Variants in SAG observed in about 807,000 individuals in gnomAD.
The protein encoded by SAG is S-arrestin.
A neutral mutation model predicts 55.0 loss-of-function variants in SAG; 45 were observed. The observed-to-expected ratio is 0.82, with a 90% CI of 0.64 to 1.05. The LOEUF is 1.05. Among genes scored for constraint, SAG ranks in the 50% least tolerant of loss-of-function variants. The probability of loss-of-function intolerance (pLI) is 0.00; values close to 1 mark genes in which losing one functional copy is unlikely to be tolerated. For missense variants in SAG, 455 were observed against 512.1 expected (o/e 0.89, Z 1.08); for synonymous variants, 189 against 197.4 (o/e 0.96, Z 0.36).
intron 9 of SAG, among the ~76,000 whole-genome samples, chr2:233,330,665 G>A (rs899287824): frequency 1.3e-5 from 2 of 151,920 alleles, no homozygotes; most frequent in African/African-American, 2.4e-5. Flanking sequence ...CAAGTAGCTG[G>A]GATTACAGGC....
intron 4 of SAG, chr2:233,320,112 G>A: frequency 2.0e-6 from 1 of 493,550 alleles, no homozygotes; most frequent in Non-Finnish European, 2.6e-6. Context: ...GCTGGAACTT[G>A]AGCCTTCTCA....
intron 13 of SAG, 92 bp from the exon 14 acceptor site, chr2:233,342,179 C>G: frequency 2.2e-6 from 2 of 920,616 alleles, no homozygotes; most frequent in South Asian, 2.9e-5. Flanking sequence ...GCCTGGGGAT[C>G]TTTTGTGACT....
chr2:233,318,001 A>G (rs1429694184), intron 3 of SAG, among the ~76,000 whole-genome samples: 1 of 152,116 alleles, frequency 6.6e-6, no homozygotes, highest in Non-Finnish European at 1.5e-5. Flanking sequence ...GGTGTGGGAC[A>G]GTGTCTCTAT....
Position 233,335,068 on chromosome 2 carries a change from C to A in SAG, c.913C>A (p.His305Asn). The A allele has an allele frequency of 6.2e-7, 1 of 1,613,914 alleles. No homozygotes were observed. Among genetic ancestry groups the A allele is most frequent in the Non-Finnish European group, 8.5e-7 (1 of 1,179,826 alleles). ...RGIALDGKIK[H>N]EDTNLASSTI... ...CATTGCCCTGGATGGGAAAATCAAG[C>A]ACGAGGACACAAACCTTGCCTCCAG... The change falls in exon 11 of 16, where the codon CAC (histidine) becomes AAC (asparagine). Residue 305 changes from histidine to asparagine, a missense_variant. Physicochemically the swap from His to Asn is moderately conservative, Grantham distance 68. Coordinates refer to ENST00000409110, the MANE Select transcript of SAG (RefSeq NM_000541.5).
chr2:233,322,286 C>A (rs77969498), intron 5 of SAG, among the ~76,000 whole-genome samples: 3 of 150,858 alleles, frequency 2.0e-5, no homozygotes, highest in East Asian at 3.9e-4. Context: ...TTTGTAATGG[C>A]AAAAAAGTAA....
At chr2:233,327,065 C>G (rs1303888965) in intron 6 of SAG, 56 bp from the exon 7 acceptor site, 10 of 1,412,556 alleles carry the variant, frequency 7.1e-6, no homozygotes, top group Middle Eastern at 1.8e-4. Flanking sequence ...CCCTCTGGCC[C>G]GGCACCCAGG....
At chr2:233,320,039 A>G in intron 4 of SAG, 1 of 938,052 alleles carries the variant, frequency 1.1e-6, no homozygotes, top group South Asian at 4.9e-5. Context: ...TTCAACAAGT[A>G]GAATTTTCAG....
intron 6 of SAG, among the ~76,000 whole-genome samples, chr2:233,325,212 A>G (rs1244739523): frequency 1.3e-5 from 2 of 151,880 alleles, no homozygotes; most frequent in Non-Finnish European, 2.9e-5. Flanking sequence ...TCAAAAAAAA[A>G]AAAAAAAAAT....
chr2:233,338,872 G>A (rs748224668), intron 12 of SAG, 119 bp downstream of exon 12: 11 of 822,004 alleles, frequency 1.3e-5, no homozygotes, highest in Non-Finnish European at 2.3e-5. Flanking sequence ...CTTCTACCAA[G>A]GATTACCAAG....
chr2:233,335,221 T>A, intron 11 of SAG, 122 bp downstream of exon 11: 1 of 1,270,620 alleles, frequency 7.9e-7, no homozygotes, highest in Non-Finnish European at 1.1e-6. Context: ...CTGGCGTGTG[T>A]AGTGTGGAGT....
intron 2 of SAG, 24 bp downstream of exon 2, chr2:233,309,288 T>G: frequency 6.3e-7 from 1 of 1,589,750 alleles, no homozygotes; most frequent in Non-Finnish European, 8.6e-7. Flanking sequence ...AAGTGAGTGA[T>G]TTGATAGAAA....
At chr2:233,339,539 T>G (rs1701034611) in intron 12 of SAG, among the ~76,000 whole-genome samples, 2 of 59,330 alleles carry the variant, frequency 3.4e-5, no homozygotes, top group South Asian at 1.6e-3. Context: ...AGCATAGTGT[T>G]TTTTTTTTTT....
At position 233,324,481 on chromosome 2, in the gene SAG, A is replaced by G. The variant is rs183560128; in HGVS notation, c.435+1476A>G. On this transcript the variant is annotated intron_variant, in intron 6 of 15. Transcript: ENST00000409110. The stretch of plus-strand genomic sequence containing the variant: ...GGCCAGATCATGAAGGGCCTTGTCG[A>G]TGTTGTAGAGACTTGAGTTTTTGCC... 1.2e-3 allele frequency among the ~76,000 whole-genome samples: 189 copies of G among 152,256 alleles called. 1 individual carries two copies. The highest frequency in any genetic ancestry group is 6.8e-3 in the Middle Eastern group (2 of 294).
chr2:233,330,475 C>CCCTT (rs775846940), intron 9 of SAG, among the ~76,000 whole-genome samples: 2,320 of 46,040 alleles, frequency 0.05, 50 homozygotes, highest in Middle Eastern at 0.097. Flanking sequence ...TTCCCTCCCT[C>CCCTT]CCTTCCTTCC....
intron 2 of SAG, among the ~76,000 whole-genome samples, chr2:233,314,671 C>T (rs753213903): frequency 7.2e-5 from 11 of 152,204 alleles, no homozygotes; most frequent in East Asian, 1.9e-4. Context: ...ACATGCTTAG[C>T]GCTGGGAGTA....
chr2:233,325,636 G>A (rs1700528321), intron 6 of SAG, among the ~76,000 whole-genome samples: 1 of 152,192 alleles, frequency 6.6e-6, no homozygotes, highest in South Asian at 2.1e-4. Context: ...ATCTTATAGT[G>A]CTCTATAAGA....
Position 233,340,967 on chromosome 2 carries a change from C to A in SAG, c.1046+489C>A. On this transcript the variant is annotated intron_variant, in intron 13 of 15. Coordinates refer to ENST00000409110, the MANE Select transcript of SAG (RefSeq NM_000541.5). This position sits in a 1 kb window ranked among gnomAD's most constrained non-coding sequence, Gnocchi z 4.2. The stretch of plus-strand genomic sequence containing the variant: ...TAGCTGAGATTACAAGCGTGTGCCA[C>A]AACACCTGGCTAATTTTTGTATTTT... Among the ~76,000 whole-genome samples, 1 of 151,990 alleles carries A rather than the reference C, an allele frequency of 6.6e-6. No individual in the cohort carries two copies. The highest frequency in any genetic ancestry group is 1.5e-5 in the Non-Finnish European group (1 of 68,012).
chr2:233,315,581 CCACA>C lies in SAG; in HGVS notation c.76-492_76-489del, dbSNP rs879431612. Among the ~76,000 whole-genome samples the C allele has an allele frequency of 1.1e-3, 174 of 152,072 alleles. 1 individual carries two copies. Among genetic ancestry groups the C allele is most frequent in the Non-Finnish European group, 1.5e-3 (102 of 68,002 alleles). ...GTGCTGGGATTACAGGGGTGAGCCA[CCACA>C]CCCAGCCTGTCCAGAAGTTCTTGTG... On this transcript the variant is annotated intron_variant, in intron 2 of 15. Coordinates refer to ENST00000409110, the MANE Select transcript of SAG (RefSeq NM_000541.5).
intron 10 of SAG, chr2:233,334,041 G>A (rs1256493552): frequency 6.6e-6 from 1 of 152,268 alleles, no homozygotes; most frequent in African/African-American, 2.4e-5. Flanking sequence ...ACCTTGTTCT[G>A]GCTAGGCACA....
Sources: allele counts gnomAD v4.1 joint callset (sites outside exome capture counted in the v4.1 genomes callset), GRCh38; gene constraint gnomAD v4.1.1; non-coding constraint Gnocchi (gnomAD v3.1); transcripts MANE v1.5; gene names NCBI Gene and HGNC (gene_info 2026-07-23, HGNC 2026-07-21).